Variants in C3orf18 observed in about 807,000 individuals in gnomAD.
C3orf18 encodes uncharacterized protein C3orf18.
In C3orf18, 12 loss-of-function variants were observed where a neutral mutation model predicts 14.1. That is an observed-to-expected ratio of 0.85 (90% confidence interval 0.55 to 1.38). The LOEUF is 1.38. Among genes scored for constraint, C3orf18 ranks in the 40% most tolerant of loss-of-function variants. C3orf18 has a pLI of 0.00. For synonymous variants in C3orf18, 82 were observed against 87.9 expected (o/e 0.93, Z 0.38); for missense variants, 196 against 213.9 (o/e 0.92, Z 0.52).
intron 5 of C3orf18, 23 bp downstream of exon 5, chr3:50,560,894 T>TG (rs760685851): frequency 6.3e-7 from 1 of 1,579,312 alleles, no homozygotes; most frequent in Non-Finnish European, 8.6e-7. Context: ...GCAGGCGGGG[T>TG]GGGGAGCCTG....
chr3:50,568,322 C>T (rs963175898), upstream of C3orf18, among the ~76,000 whole-genome samples: 6 of 152,160 alleles, frequency 3.9e-5, no homozygotes, highest in African/African-American at 1.2e-4. Flanking sequence ...TCAGATACTC[C>T]TGATCCGCCG....
rs1425793537 is a variant in C3orf18, at chr3:50,558,924, C to T, written c.*733G>A. On this transcript the variant is annotated 3_prime_UTR_variant, in exon 6 of 6. Transcript: ENST00000357203. ...GTCTGCCCATGGGCACACTCATGCA[C>T]ATGCATGAGGCCTCTCGGCAGGTCT... 2 of 1,288,274 alleles carry T rather than the reference C, an allele frequency of 1.6e-6. No homozygotes were observed. The highest frequency in any genetic ancestry group is 2.5e-5 in the South Asian group (2 of 80,974). The allele number at this position is 1,288,274 out of a possible 1,614,324, so 79.8% of individuals were successfully genotyped here. A position where few individuals can be genotyped will look rare whatever the true frequency, so the allele number is the denominator to read the frequency against.
At chr3:50,571,036 C>A, upstream of C3orf18, 2 of 1,269,260 alleles carry the variant, frequency 1.6e-6, no homozygotes, top group Admixed American at 2.2e-5. Context: ...TCAGCACTCA[C>A]CTCAGCAGCT....
chr3:50,571,090 A>T, upstream of C3orf18: 1 of 1,567,028 alleles, frequency 6.4e-7, no homozygotes, highest in East Asian at 2.3e-5. Flanking sequence ...ACTCTGGAGA[A>T]CCTTTCCCTG....
Position 50,558,911 on chromosome 3 carries a change from G to A in C3orf18, c.*746C>T. 7.8e-7 allele frequency: 1 copy of A among 1,288,248 alleles called. No individual in the cohort carries two copies. Among genetic ancestry groups the A allele is most frequent in the Non-Finnish European group, 1.0e-6 (1 of 987,650 alleles). The allele number at this position is 1,288,248 out of a possible 1,614,324, so 79.8% of individuals were successfully genotyped here. On this transcript the variant is annotated 3_prime_UTR_variant, in exon 6 of 6. Coordinates refer to ENST00000357203, the MANE Select transcript of C3orf18 (RefSeq NM_016210.5). ...GGGACAGGCACATGTCTGCCCATGG[G>A]CACACTCATGCACATGCATGAGGCC... is the stretch of plus-strand genomic sequence containing the variant.
intron 3 of C3orf18, among the ~76,000 whole-genome samples, chr3:50,564,128 G>A (rs2107288695): frequency 6.6e-6 from 1 of 152,348 alleles, no homozygotes; most frequent in South Asian, 2.1e-4. Flanking sequence ...GGCCATGATG[G>A]GCCATCCACA....
upstream of C3orf18, among the ~76,000 whole-genome samples, chr3:50,574,143 C>G (rs1417016924): frequency 6.6e-6 from 1 of 152,204 alleles, no homozygotes; most frequent in African/African-American, 2.4e-5. Flanking sequence ...ACTGCCTGCC[C>G]CTCACCTCTT....
chr3:50,571,577 G>A (rs1700963204), upstream of C3orf18: 3 of 868,322 alleles, frequency 3.5e-6, no homozygotes, highest in East Asian at 7.3e-5. Context: ...GCAGGATGCT[G>A]CCCCCTCTGG....
Position 50,559,683 on chromosome 3 carries a change from C to G in C3orf18, c.463G>C (p.Asp155His), listed in dbSNP as rs753682251. Residue 155 changes from aspartate to histidine, a missense_variant, in exon 6 of 6, where the codon GAT (aspartate) becomes CAT (histidine). Transcript: ENST00000357203. ...LQRPSRLVFTDVANAIHA is the reference protein window; with the variant it reads ...LQRPSRLVFTHVANAIHA Reference sequence around the variant, plus strand: ...CACGCATGGATGGCATTGGCCACATCGGTAAACACCAGCCGGCTGGGTCTC... The same window carrying G: ...CACGCATGGATGGCATTGGCCACATGGGTAAACACCAGCCGGCTGGGTCTC... 3 of 1,594,014 alleles carry G rather than the reference C, an allele frequency of 1.9e-6. No individual in the cohort carries two copies. The highest frequency in any genetic ancestry group is 3.5e-5 in the Admixed American group (2 of 57,456).
At position 50,558,850 on chromosome 3, in the gene C3orf18, G is replaced by A. The variant is rs1471354012; in HGVS notation, c.*807C>T. Reference sequence around the variant, plus strand: ...GGGTAGAGGTCGACTTGGAGGGTGGGGCCAGTGTGGACAATCTCATTCTGC... The same window carrying A: ...GGGTAGAGGTCGACTTGGAGGGTGGAGCCAGTGTGGACAATCTCATTCTGC... On this transcript the variant is annotated 3_prime_UTR_variant, in exon 6 of 6. Coordinates refer to ENST00000357203, the MANE Select transcript of C3orf18 (RefSeq NM_016210.5). 1 of 1,289,698 alleles carries A rather than the reference G, an allele frequency of 7.8e-7. No individual in the cohort carries two copies. Among genetic ancestry groups the A allele is most frequent in the Non-Finnish European group, 1.0e-6 (1 of 988,878 alleles). The allele number at this position is 1,289,698 out of a possible 1,614,324, so 79.9% of individuals were successfully genotyped here.
At chr3:50,567,365 C>T (rs1700379949) in intron 1 of C3orf18, 98 bp downstream of exon 1, 1 of 152,480 alleles carries the variant, frequency 6.6e-6, no homozygotes, top group Admixed American at 6.5e-5. Context: ...CTGTTCTCCA[C>T]CAGGTCTCTC....
At position 50,559,785 on chromosome 3, in the gene C3orf18, C is replaced by T. The variant is rs1329070960; in HGVS notation, c.409-48G>A. The T allele has an allele frequency of 5.5e-6, 7 of 1,272,758 alleles. No individual in the cohort carries two copies. The South Asian group carries it at 8.8e-5, about 16-fold the overall frequency. 78.8% of individuals were successfully genotyped at this position (1,272,758 alleles called of 1,614,324 possible). Reference sequence around the variant, plus strand: ...ATCAGAGACCATGGGCAAGGCCATGCACTCACTGGCCTGGTCACCTCCACC... The same window carrying T: ...ATCAGAGACCATGGGCAAGGCCATGTACTCACTGGCCTGGTCACCTCCACC... On this transcript the variant is annotated intron_variant, in intron 5 of 5. Transcript: ENST00000357203.
At chr3:50,571,656 G>A (rs2107381892), upstream of C3orf18, 2 of 1,516,350 alleles carry the variant, frequency 1.3e-6, no homozygotes, top group Non-Finnish European at 1.8e-6. Flanking sequence ...AAGACACCTG[G>A]GTTGGGGGCC....
chr3:50,562,268 C>T (rs1700024245), intron 3 of C3orf18: 1 of 302,362 alleles, frequency 3.3e-6, no homozygotes, highest in South Asian at 2.2e-5. Flanking sequence ...GAGGCTCCCT[C>T]CAGCCTGGGA....
rs764938276 is a variant in C3orf18 at position 50,559,686 on chromosome 3, T to C, written c.460A>G (p.Thr154Ala). Reference sequence around the variant, plus strand: ...GCATGGATGGCATTGGCCACATCGGTAAACACCAGCCGGCTGGGTCTCTGC... The same window carrying C: ...GCATGGATGGCATTGGCCACATCGGCAAACACCAGCCGGCTGGGTCTCTGC... Reference protein sequence around the residue: ...PLQRPSRLVFTDVANAIHA With the variant: ...PLQRPSRLVFADVANAIHA The change falls in exon 6 of 6, where the codon ACC becomes GCC. Residue 154 changes from threonine (T) to alanine (A), a missense_variant. Thr to Ala is a moderately conservative substitution (Grantham distance 58). Coordinates refer to ENST00000357203, the MANE Select transcript of C3orf18 (RefSeq NM_016210.5). The C allele has an allele frequency of 3.1e-6, 5 of 1,595,278 alleles. No individual in the cohort carries two copies. The East Asian group carries it at 1.1e-4, about 36-fold the overall frequency.
rs1304971779 is a variant in C3orf18, at chr3:50,559,160, A to G, written c.*497T>C. 1 of 1,289,720 alleles carries G rather than the reference A, an allele frequency of 7.8e-7. No individual in the cohort carries two copies. The highest frequency in any genetic ancestry group is 1.0e-6 in the Non-Finnish European group (1 of 988,946). The allele number at this position is 1,289,720 out of a possible 1,614,324, so 79.9% of individuals were successfully genotyped here. On this transcript the variant is annotated 3_prime_UTR_variant, in exon 6 of 6. Transcript: ENST00000357203. ...TTTCAGCTCCATCTCTGGGCTTCTC[A>G]GGGCCCATAACAGATGCTGCCCTAC...
chr3:50,563,157 C>T (rs561282764), intron 3 of C3orf18, among the ~76,000 whole-genome samples: 16 of 152,238 alleles, frequency 1.1e-4, no homozygotes, highest in Admixed American at 1.0e-3. Flanking sequence ...CTGCAGGACC[C>T]CCAAAACCTG....
At chr3:50,566,991 T>C (rs1445458368) in intron 1 of C3orf18, among the ~76,000 whole-genome samples, 1 of 152,186 alleles carries the variant, frequency 6.6e-6, no homozygotes, top group Non-Finnish European at 1.5e-5. Flanking sequence ...GTTGCCTCCC[T>C]GTGCAGATGC....
chr3:50,558,528 A>T lies in C3orf18; in HGVS notation c.*1129T>A. 2.4e-6 allele frequency: 1 copy of T among 418,466 alleles called. No individual in the cohort carries two copies. The highest frequency in any genetic ancestry group is 4.2e-6 in the Non-Finnish European group (1 of 238,014). 25.9% of individuals were successfully genotyped at this position (418,466 alleles called of 1,614,324 possible). A position where few individuals can be genotyped will look rare whatever the true frequency, so the allele number is the denominator to read the frequency against. ...TGGGATGGAGGTGGGGAATTCAAAC[A>T]TAGACTAAGTTTTTTAGATGTTTTT... is the stretch of plus-strand genomic sequence containing the variant. On this transcript the variant is annotated 3_prime_UTR_variant, in exon 6 of 6. Coordinates refer to ENST00000357203, the MANE Select transcript of C3orf18 (RefSeq NM_016210.5).
Sources: gnomAD v4.1 joint callset for allele counts (sites outside exome capture counted in the v4.1 genomes callset) on GRCh38, gnomAD v4.1.1 for gene constraint, MANE v1.5 for transcripts, NCBI Gene and HGNC (gene_info 2026-07-23, HGNC 2026-07-21) for gene names.